ACOXL: variants seen among roughly 807,000 people sequenced by gnomAD.
ACOXL encodes acyl-coenzyme A oxidase-like protein.
In ACOXL, 70 loss-of-function variants were observed where a neutral mutation model predicts 71.9. The observed-to-expected ratio is 0.97, with a 90% CI of 0.80 to 1.19. The LOEUF (loss-of-function observed/expected upper bound fraction) is 1.19, where lower values mean the gene tolerates loss of function less well. Among genes scored for constraint, ACOXL ranks in the 50% most tolerant of loss-of-function variants. The pLI, the probability that ACOXL is intolerant of heterozygous loss-of-function variation, is 0.00. For missense variants in ACOXL, 703 were observed against 736.3 expected (o/e 0.95, Z 0.52); for synonymous variants, 253 against 281.6 (o/e 0.90, Z 1.02).
In ACOXL at chr2:110,886,671, G is replaced by C. The variant is rs114253056; in HGVS notation, c.789-22118G>C. 43 of 1,394,284 alleles carry C rather than the reference G, an allele frequency of 3.1e-5. 1 individual carries two copies. In the African/African-American group the frequency reaches 5.0e-4, roughly 16 times the overall value. 86.4% of individuals were successfully genotyped at this position (1,394,284 alleles called of 1,614,324 possible). A position where few individuals can be genotyped will look rare whatever the true frequency, so the allele number is the denominator to read the frequency against. ...TGGGATTACAGGCTTGAGCCACTGC[G>C]TCTGTCCCTCCCCTATCCTTCTGAA... On this transcript the variant is annotated intron_variant, in intron 10 of 17. Coordinates refer to ENST00000439055, the MANE Select transcript of ACOXL (RefSeq NM_001142807.4).
At chr2:110,927,182 C>T (rs909875765) in intron 11 of ACOXL, among the ~76,000 whole-genome samples, 1 of 152,120 alleles carries the variant, frequency 6.6e-6, no homozygotes, top group African/African-American at 2.4e-5. Context: ...TTCAACCAAC[C>T]AGATATCATG....
chr2:110,836,417 G>A (rs1401071112), intron 9 of ACOXL, among the ~76,000 whole-genome samples: 1 of 151,580 alleles, frequency 6.6e-6, no homozygotes. Flanking sequence ...CCCTGTTTGA[G>A]TGGTATTCTG....
At chr2:110,931,543 GA>G (rs2149333894) in intron 11 of ACOXL, among the ~76,000 whole-genome samples, 1 of 152,250 alleles carries the variant, frequency 6.6e-6, no homozygotes, top group South Asian at 2.1e-4. Flanking sequence ...TATCTATAAT[GA>G]AAAGAACATG....
chr2:111,073,049 G>T (rs571375027), intron 16 of ACOXL, among the ~76,000 whole-genome samples: 1 of 152,302 alleles, frequency 6.6e-6, no homozygotes, highest in East Asian at 1.9e-4. Flanking sequence ...TTTGCCATAT[G>T]TATCCCCTTT....
chr2:110,998,969 A>G (rs1387321183), intron 14 of ACOXL, among the ~76,000 whole-genome samples: 1 of 152,266 alleles, frequency 6.6e-6, no homozygotes, highest in Non-Finnish European at 1.5e-5. Context: ...GATTTTCAAA[A>G]GTAAACAATG....
At chr2:111,014,081 T>G (rs2064311078) in intron 14 of ACOXL, among the ~76,000 whole-genome samples, 1 of 152,214 alleles carries the variant, frequency 6.6e-6, no homozygotes, top group South Asian at 2.1e-4. Context: ...ATTTCCTCAA[T>G]TTTTGGAGAG....
At chr2:110,971,318 A>G (rs1325083869) in intron 12 of ACOXL, among the ~76,000 whole-genome samples, 1 of 152,238 alleles carries the variant, frequency 6.6e-6, no homozygotes, top group Non-Finnish European at 1.5e-5. Flanking sequence ...AATAACACGA[A>G]AATTGAATAA....
At chr2:111,045,374 G>A (rs752910178) in intron 15 of ACOXL, among the ~76,000 whole-genome samples, 2 of 152,208 alleles carry the variant, frequency 1.3e-5, no homozygotes, top group Non-Finnish European at 2.9e-5. Context: ...AGTTGTCACT[G>A]AATCAGCTGT....
intron 12 of ACOXL, among the ~76,000 whole-genome samples, chr2:110,965,290 G>A (rs1055209468): frequency 6.6e-6 from 1 of 152,134 alleles, no homozygotes; most frequent in Non-Finnish European, 1.5e-5. Flanking sequence ...AAACATGTGG[G>A]TGCAGGTGTA....
intron 9 of ACOXL, among the ~76,000 whole-genome samples, chr2:110,835,790 G>T (rs966938253): frequency 6.6e-6 from 1 of 152,186 alleles, no homozygotes; most frequent in African/African-American, 2.4e-5. Flanking sequence ...CTTGACGCTT[G>T]TAGAACCAGC....
At chr2:110,781,642 AAAAT>A (rs557818537) in intron 2 of ACOXL, among the ~76,000 whole-genome samples, 2 of 151,726 alleles carry the variant, frequency 1.3e-5, no homozygotes, top group Admixed American at 6.6e-5. Flanking sequence ...CTCCATCTCA[AAAAT>A]AAATAAATAA....
chr2:111,000,109 C>T (rs543096360), intron 14 of ACOXL, among the ~76,000 whole-genome samples: 1 of 152,286 alleles, frequency 6.6e-6, no homozygotes, highest in African/African-American at 2.4e-5. Context: ...TAGTAGAAGC[C>T]TAAAGTACCT....
At chr2:111,075,080 T>C (rs989944744) in intron 16 of ACOXL, among the ~76,000 whole-genome samples, 1 of 152,212 alleles carries the variant, frequency 6.6e-6, no homozygotes, top group African/African-American at 2.4e-5. Context: ...CTAGTTTTGG[T>C]ATCACAGTAA....
chr2:111,108,371 C>CTTGTTTT (rs2069696761), intron 17 of ACOXL, among the ~76,000 whole-genome samples: 1 of 71,036 alleles, frequency 1.4e-5, no homozygotes, highest in African/African-American at 6.0e-5. Context: ...GTGCATGAAT[C>CTTGTTTT]TTTTTTTTTT....
At chr2:110,841,526 C>A in intron 10 of ACOXL, 121 bp downstream of exon 10, 2 of 724,842 alleles carry the variant, frequency 2.8e-6, no homozygotes, top group South Asian at 1.8e-5. Flanking sequence ...ATGTCCGTGT[C>A]GCAGATGGAA....
chr2:111,036,447 G>C (rs77448115), intron 15 of ACOXL, among the ~76,000 whole-genome samples: 3,447 of 152,304 alleles, frequency 0.023, 145 homozygotes, highest in African/African-American at 0.078. Flanking sequence ...CAGTGAGAAG[G>C]TCTGTTGCAC....
At chr2:110,879,537 G>A (rs983285582) in intron 10 of ACOXL, among the ~76,000 whole-genome samples, 2 of 152,096 alleles carry the variant, frequency 1.3e-5, no homozygotes, top group Non-Finnish European at 2.9e-5. Context: ...AATAATCTTC[G>A]AAGAATGAGA....
chr2:110,768,302 A>G (rs1034065658), intron 1 of ACOXL, 66 bp from the exon 2 acceptor site: 2 of 1,357,876 alleles, frequency 1.5e-6, no homozygotes, highest in Admixed American at 1.7e-5. Context: ...CCCGGGGTCA[A>G]AGCATCCACA....
chr2:110,987,299 C>T (rs532800506), intron 13 of ACOXL, 82 bp downstream of exon 13: 5 of 1,295,576 alleles, frequency 3.9e-6, no homozygotes, highest in African/African-American at 1.5e-5. Context: ...GCATAACTCA[C>T]TCTTGCTTGA....
Sources: gnomAD v4.1 joint callset for allele counts (sites outside exome capture counted in the v4.1 genomes callset) on GRCh38, gnomAD v4.1.1 for gene constraint, MANE v1.5 for transcripts, NCBI Gene and HGNC (gene_info 2026-07-23, HGNC 2026-07-21) for gene names.